Variants in PRPS2 observed in about 807,000 individuals in gnomAD.
The protein encoded by PRPS2 is ribose-phosphate pyrophosphokinase 2.
For synonymous variants in PRPS2, 111 were observed against 115.3 expected, an observed-to-expected ratio of 0.96 and a Z score of 0.24; for missense variants, 104 against 271.5, an observed-to-expected ratio of 0.38 and a Z score of 4.34.
At chrX:12,818,811 C>T (rs768975249) in intron 4 of PRPS2, among the ~76,000 whole-genome samples, 47 of 111,835 alleles carry the variant, frequency 4.2e-4, no homozygotes, top group African/African-American at 1.5e-3. Flanking sequence ...CACCAGCAAG[C>T]GAGGCCTGCC....
At chrX:12,820,075 C>T (rs1569098392) in intron 5 of PRPS2, among the ~76,000 whole-genome samples, 1 of 112,427 alleles carries the variant, frequency 8.9e-6, no homozygotes, top group African/African-American at 3.2e-5. Flanking sequence ...CCCCACCCAG[C>T]CACACGTGGC....
chrX:12,809,366 C>G, intron 3 of PRPS2, 34 bp downstream of exon 3: 1 of 1,141,008 alleles, frequency 8.8e-7, no homozygotes, highest in South Asian at 1.9e-5. Flanking sequence ...ATGGTTAAAT[C>G]AAGTCTGTTA....
At chrX:12,809,145 A>G (rs1449921171) in intron 2 of PRPS2, 89 bp from the exon 3 acceptor site, 122 of 837,719 alleles carry the variant, frequency 1.5e-4, no homozygotes, top group Non-Finnish European at 7.2e-5. Context: ...GATTGCATCT[A>G]TGATTTATCC....
Position 12,791,438 on chromosome X carries a change from C to A in PRPS2, c.-60C>A. ...CAGCAGCAGCCTCCCGCGTCGCTGT[C>A]GCTGTTGCCTCCGCCACCTCCTCCG... On this transcript the variant is annotated 5_prime_UTR_variant, in exon 1 of 7. Transcript: ENST00000380668. The A allele has an allele frequency of 1.7e-6, 2 of 1,162,689 alleles. No individual in the cohort carries two copies. The highest frequency in any genetic ancestry group is 2.3e-6 in the Non-Finnish European group (2 of 867,940).
In PRPS2 at chrX:12,822,925, G is replaced by A. The variant is rs2042682949; in HGVS notation, c.*129G>A. 1.0e-5 allele frequency: 5 copies of A among 486,627 alleles called. No individual in the cohort carries two copies. In the Admixed American group the frequency reaches 1.1e-4, roughly 11 times the overall value. The allele number at this position is 486,627 out of a possible 1,213,427, so 40.1% of individuals were successfully genotyped here. ...GCAAAAGCATCAGATCTTTGTATAT[G>A]CTAAGATTTATTGTTTCCCCTTCTA... On this transcript the variant is annotated 3_prime_UTR_variant, in exon 7 of 7. Transcript: ENST00000380668.
intron 1 of PRPS2, among the ~76,000 whole-genome samples, chrX:12,793,343 A>G (rs764254349): frequency 3.3e-4 from 37 of 112,670 alleles, no homozygotes; most frequent in African/African-American, 1.2e-3. Context: ...TAAAAATACC[A>G]CATGTGCCAC....
chrX:12,808,288 C>CTGTGTGTGTGTG (rs60881280), intron 2 of PRPS2, among the ~76,000 whole-genome samples: 3,039 of 102,353 alleles, frequency 0.03, 60 homozygotes, highest in African/African-American at 0.043. Context: ...CATGAATATA[C>CTGTGTGTGTGTG]TGTGTGTGTG....
chrX:12,806,732 T>G (rs1191422537), intron 2 of PRPS2, among the ~76,000 whole-genome samples: 1 of 112,424 alleles, frequency 8.9e-6, no homozygotes, highest in Non-Finnish European at 1.9e-5. Context: ...TTCTTTTTGC[T>G]GGCATCTTAG....
At chrX:12,804,800 C>T (rs186945027) in intron 2 of PRPS2, among the ~76,000 whole-genome samples, 22 of 111,431 alleles carry the variant, frequency 2.0e-4, no homozygotes, top group African/African-American at 6.2e-4. Flanking sequence ...TCTCTCATCC[C>T]AGAAAGAAAA....
chrX:12,808,665 C>CTGTCA (rs2042607021), intron 2 of PRPS2, among the ~76,000 whole-genome samples: 1 of 112,398 alleles, frequency 8.9e-6, no homozygotes, highest in South Asian at 3.7e-4. Flanking sequence ...TAGCGTCCAA[C>CTGTCA]TGTCAGCTCA....
At chrX:12,796,434 C>G (rs1162519796) in intron 1 of PRPS2, among the ~76,000 whole-genome samples, 1 of 110,315 alleles carries the variant, frequency 9.1e-6, no homozygotes, top group African/African-American at 3.3e-5. Context: ...TTAGGCTGGT[C>G]TAGAACTCCA....
intron 1 of PRPS2, among the ~76,000 whole-genome samples, chrX:12,797,050 C>T (rs1242998436): frequency 9.1e-6 from 1 of 109,790 alleles, no homozygotes; most frequent in Non-Finnish European, 1.9e-5. Flanking sequence ...AAAACACTGA[C>T]ATGTATTACA....
intron 5 of PRPS2, 148 bp downstream of exon 5, chrX:12,819,828 T>A (rs1381328811): frequency 1.4e-5 from 10 of 702,072 alleles, no homozygotes; most frequent in African/African-American, 2.2e-5. Context: ...CCTTTTATCT[T>A]TATACTTCTT....
chrX:12,800,487 A>C (rs774247928), intron 2 of PRPS2, among the ~76,000 whole-genome samples: 7 of 111,330 alleles, frequency 6.3e-5, no homozygotes, highest in African/African-American at 2.3e-4. Flanking sequence ...GGTGGACATG[A>C]GTTTTGGGGG....
At chrX:12,801,221 C>CGTGT (rs72506508) in intron 2 of PRPS2, among the ~76,000 whole-genome samples, 8,318 of 93,272 alleles carry the variant, frequency 0.089, 435 homozygotes, top group Non-Finnish European at 0.13. Context: ...TGCGTGCGCA[C>CGTGT]GTGTGTGTGT....
intron 1 of PRPS2, among the ~76,000 whole-genome samples, chrX:12,795,981 G>A (rs937302845): frequency 4.5e-5 from 5 of 112,162 alleles, no homozygotes; most frequent in African/African-American, 1.6e-4. Context: ...AAGAAGATGT[G>A]TGAATGTTAT....
chrX:12,816,492 G>A lies in PRPS2; in HGVS notation c.531-3015G>A, dbSNP rs1247460699. On this transcript the variant is annotated intron_variant, in intron 4 of 6. Coordinates refer to ENST00000380668, the MANE Select transcript of PRPS2 (RefSeq NM_002765.5). ...TAATTTTTGTATTTTTTGTAGAGAT[G>A]GGGTTTTACTATGTTGCCCAGGCTG... 4.5e-5 allele frequency among the ~76,000 whole-genome samples: 5 copies of A among 110,638 alleles called. No individual in the cohort carries two copies. The East Asian group carries it at 1.1e-3, about 25-fold the overall frequency.
At position 12,791,418 on chromosome X, in the gene PRPS2, G is replaced by C. The variant is rs2042516764; in HGVS notation, c.-80G>C. ...GCCGCGCTTTCCCGCTCCCGCAGCA[G>C]CAGCCTCCCGCGTCGCTGTCGCTGT... is the stretch of plus-strand genomic sequence containing the variant. On this transcript the variant is annotated 5_prime_UTR_variant, in exon 1 of 7. Coordinates refer to ENST00000380668, the MANE Select transcript of PRPS2 (RefSeq NM_002765.5). The C allele has an allele frequency of 2.7e-6, 3 of 1,105,716 alleles. No homozygotes were observed. The highest frequency in any genetic ancestry group is 3.6e-6 in the Non-Finnish European group (3 of 831,664). The allele number at this position is 1,105,716 out of a possible 1,213,427, so 91.1% of individuals were successfully genotyped here. A position where few individuals can be genotyped will look rare whatever the true frequency, so the allele number is the denominator to read the frequency against.
In PRPS2 at chrX:12,822,687, T is replaced by C; in HGVS notation, c.865-17T>C. 1 of 1,198,452 alleles carries C rather than the reference T, an allele frequency of 8.3e-7. No individual in the cohort carries two copies. ...TCCTGCTTCCCTTCTCCCTTTGTTTTTCTCATTGGCATTTAGGTCATTGAC... is the reference window on the plus strand; with the variant it reads ...TCCTGCTTCCCTTCTCCCTTTGTTTCTCTCATTGGCATTTAGGTCATTGAC... On this transcript the variant is annotated splice_polypyrimidine_tract_variant and intron_variant, in intron 6 of 6. Coordinates refer to ENST00000380668, the MANE Select transcript of PRPS2 (RefSeq NM_002765.5).
Sources: gnomAD v4.1 joint callset for allele counts (sites outside exome capture counted in the v4.1 genomes callset) on GRCh38, gnomAD v4.1.1 for gene constraint, MANE v1.5 for transcripts, NCBI Gene and HGNC (gene_info 2026-07-23, HGNC 2026-07-21) for gene names.